NSD2: variants seen among roughly 807,000 people sequenced by gnomAD.
The protein encoded by NSD2 is nuclear receptor binding SET domain protein 2.
Under a neutral mutation model 139.0 loss-of-function variants are expected in NSD2, and 12 were observed. That is an observed-to-expected ratio of 0.09 (90% confidence interval 0.06 to 0.14). The LOEUF (loss-of-function observed/expected upper bound fraction) is 0.14. NSD2 is among the 10% of genes least tolerant of loss of function. The pLI, the probability that NSD2 is intolerant of heterozygous loss-of-function variation, is 1.00. For missense variants in NSD2, 1,155 were observed against 1,745.0 expected (o/e 0.66, Z 6.02); for synonymous variants, 669 against 648.7 (o/e 1.03, Z -0.48).
Position 1,939,710 on chromosome 4 carries a change from A to G in NSD2, c.1813A>G (p.Thr605Ala), listed in dbSNP as rs769950208. 1.9e-6 allele frequency: 3 copies of G among 1,614,256 alleles called. No homozygotes were observed. In the South Asian group the frequency reaches 3.3e-5, roughly 18 times the overall value. The part of the protein sequence containing the change: ...KPLKKRNRAS[T>A]AASSALGFSK... ...ACTGAAGAAGCGAAATCGGGCTTCCACGGCAGCATCTTCAGCTCTTGGGTT... is the reference window on the plus strand; with the variant it reads ...ACTGAAGAAGCGAAATCGGGCTTCCGCGGCAGCATCTTCAGCTCTTGGGTT... Residue 605 changes from threonine to alanine, a missense_variant, in exon 9 of 22, where the codon ACG (threonine) becomes GCG (alanine). By Grantham distance (58) the Thr-to-Ala change is moderately conservative (BLOSUM62 0). This residue lies in a region of NSD2 where 420 missense variants were observed against 469.0 expected (regional missense o/e 0.90). Transcript: ENST00000508803.
At chr4:1,932,952 C>T (rs1007714932) in intron 6 of NSD2, among the ~76,000 whole-genome samples, 11 of 152,332 alleles carry the variant, frequency 7.2e-5, no homozygotes, top group Admixed American at 2.0e-4. Flanking sequence ...GCAGACCTGC[C>T]TGAGGGGGGC....
Position 1,942,100 on chromosome 4 carries a change from T to G in NSD2, c.1881+2322T>G. 1 of 1,239,574 alleles carries G rather than the reference T, an allele frequency of 8.1e-7. No individual in the cohort carries two copies. The highest frequency in any genetic ancestry group is 1.0e-6 in the Non-Finnish European group (1 of 984,928). The allele number at this position is 1,239,574 out of a possible 1,614,324, so 76.8% of individuals were successfully genotyped here. A position where few individuals can be genotyped will look rare whatever the true frequency, so the allele number is the denominator to read the frequency against. On this transcript the variant is annotated intron_variant, in intron 9 of 21. Coordinates refer to ENST00000508803, the MANE Select transcript of NSD2 (RefSeq NM_001042424.3). This position sits in a 1 kb window ranked among gnomAD's most constrained non-coding sequence, Gnocchi z 4.0. The stretch of plus-strand genomic sequence containing the variant: ...TTATAGGGTTGGTATTTCAGAACAC[T>G]TTAGGTCATGTTGTAGTTTAAATTC...
chr4:1,925,401 T>C (rs1720747159), intron 5 of NSD2, among the ~76,000 whole-genome samples: 1 of 137,724 alleles, frequency 7.3e-6, no homozygotes, highest in Non-Finnish European at 1.6e-5. Context: ...TTTTTTTTTT[T>C]TTTTTTTTTT....
chr4:1,874,437 G>A (rs1714102408), intron 1 of NSD2, among the ~76,000 whole-genome samples: 2 of 152,158 alleles, frequency 1.3e-5, no homozygotes, highest in African/African-American at 4.8e-5. Context: ...ACTCTTAGAG[G>A]TAGGACTCTG....
chr4:1,871,916 C>T (rs1713806520), intron 1 of NSD2, among the ~76,000 whole-genome samples: 1 of 147,468 alleles, frequency 6.8e-6, no homozygotes, highest in Non-Finnish European at 1.5e-5. Context: ...CCGGGCCCTG[C>T]GGCTGCACCT....
chr4:1,978,682 C>T lies in NSD2; in HGVS notation c.3871C>T (p.Pro1291Ser), dbSNP rs905300916. Residue 1291 changes from proline (P) to serine (S), a missense_variant, in exon 22 of 22, where the codon CCT (proline) becomes TCT (serine). Pro to Ser is a moderately conservative substitution (Grantham distance 74, BLOSUM62 -1). This residue lies in a region of NSD2 where 25 missense variants were observed against 75.1 expected (regional missense o/e 0.33). Transcript: ENST00000508803. Reference protein sequence around the residue: ...PWHHCDVCGKPSTSFCHLCPN... With the variant: ...PWHHCDVCGKSSTSFCHLCPN... ...GCATCATTGTGACGTGTGTGGCAAACCTTCGACTTCATTTTGCCACCTCTG... is the reference window on the plus strand; with the variant it reads ...GCATCATTGTGACGTGTGTGGCAAATCTTCGACTTCATTTTGCCACCTCTG... 14 of 1,613,932 alleles carry T rather than the reference C, an allele frequency of 8.7e-6. No homozygotes were observed. The highest frequency in any genetic ancestry group is 1.0e-5 in the Non-Finnish European group (12 of 1,179,862).
chr4:1,875,440 C>T (rs544267850), intron 1 of NSD2, among the ~76,000 whole-genome samples: 112 of 152,014 alleles, frequency 7.4e-4, no homozygotes, highest in African/African-American at 2.7e-3. Flanking sequence ...TGCCACCATG[C>T]CTGGCTAATT....
intron 6 of NSD2, among the ~76,000 whole-genome samples, chr4:1,931,499 A>T (rs2108858739): frequency 6.6e-6 from 1 of 152,238 alleles, no homozygotes; most frequent in African/African-American, 2.4e-5. Context: ...AAAATAACTG[A>T]CATATTAGGG....
intron 3 of NSD2, among the ~76,000 whole-genome samples, chr4:1,907,151 A>G (rs1226120547): frequency 6.6e-6 from 1 of 152,154 alleles, no homozygotes; most frequent in East Asian, 1.9e-4. Flanking sequence ...TTCCCTGTAT[A>G]TGAAAATGAG....
At position 1,901,080 on chromosome 4, in the gene NSD2, C is replaced by T. The variant is rs1301057397; in HGVS notation, c.426C>T (p.Ser142=). 2.5e-6 allele frequency: 4 copies of T among 1,614,138 alleles called. No homozygotes were observed. In the South Asian group the frequency reaches 3.3e-5, roughly 13 times the overall value. Residue 142 remains serine, a synonymous_variant, in exon 2 of 22, where the codon TCC becomes TCT. Transcript: ENST00000508803. Reference sequence around the variant, plus strand: ...ATGGGAAGCCTCTCTTTGAATCTTCCATTTGTGGTGACAGTGCTGCTGATG... The same window carrying T: ...ATGGGAAGCCTCTCTTTGAATCTTCTATTTGTGGTGACAGTGCTGCTGATG... ...YMNGKPLFES[S]ICGDSAADVS...
intron 4 of NSD2, 119 bp from the exon 5 acceptor site, chr4:1,918,022 C>A: frequency 8.1e-7 from 1 of 1,233,392 alleles, no homozygotes; most frequent in African/African-American, 1.5e-5. Flanking sequence ...CTCAAGTGAT[C>A]CATCTGCCTT....
At chr4:1,886,992 A>G (rs1258658520) in intron 1 of NSD2, among the ~76,000 whole-genome samples, 4 of 151,714 alleles carry the variant, frequency 2.6e-5, no homozygotes, top group Non-Finnish European at 4.4e-5. Flanking sequence ...AACATTCCCA[A>G]TATTGTGGTG....
chr4:1,959,704 A>G lies in NSD2; in HGVS notation c.3219A>G (p.Lys1073=). 6.2e-7 allele frequency: 1 copy of G among 1,614,048 alleles called. No individual in the cohort carries two copies. Among genetic ancestry groups the G allele is most frequent in the East Asian group, 2.2e-5 (1 of 44,882 alleles). The change falls in exon 17 of 22, where the codon AAA becomes AAG. Residue 1073 remains lysine, a synonymous_variant. Transcript: ENST00000508803. ...PETKIIKTDG[K]GWGLVAKRDI... ...CCAAGATCATCAAGACAGATGGCAA[A>G]GGGTGGGGCCTGGTCGCCAAGAGGG...
intron 9 of NSD2, chr4:1,943,647 C>A: frequency 9.5e-7 from 1 of 1,048,056 alleles, no homozygotes; most frequent in Non-Finnish European, 1.2e-6. Flanking sequence ...GATACATAGC[C>A]CCAAAGATGG....
intron 15 of NSD2, among the ~76,000 whole-genome samples, chr4:1,957,621 CA>C (rs938036484): frequency 6.6e-6 from 1 of 152,144 alleles, no homozygotes; most frequent in African/African-American, 2.4e-5. Flanking sequence ...CTGAGAACAG[CA>C]AGTCCCAGGC....
At chr4:1,913,299 G>A (rs1445477393) in intron 3 of NSD2, among the ~76,000 whole-genome samples, 1 of 152,208 alleles carries the variant, frequency 6.6e-6, no homozygotes, top group Admixed American at 6.5e-5. Flanking sequence ...TGCCTGAGAA[G>A]GCACCCGTTA....
chr4:1,893,463 C>A (rs977993328), intron 1 of NSD2, among the ~76,000 whole-genome samples: 1 of 151,874 alleles, frequency 6.6e-6, no homozygotes, highest in Admixed American at 6.6e-5. Context: ...ACAGAGACTC[C>A]GTTTCAATAA....
chr4:1,922,947 T>A (rs1271326501), intron 5 of NSD2, among the ~76,000 whole-genome samples: 1 of 151,918 alleles, frequency 6.6e-6, no homozygotes, highest in Non-Finnish European at 1.5e-5. Context: ...AATAGCAGTA[T>A]TCACGCAGGG....
Position 1,938,416 on chromosome 4 carries a change from CTTTTTTTTTTTTTT to C in NSD2, c.1675-23_1675-10del, listed in dbSNP as rs746279426. ...TTTTTCTTTTCTTTTTTTTTTCTTT[CTTTTTTTTTTTTTT>C]TTTTTTTTTTTAAATAATAGAGAGA... On this transcript the variant is annotated intron_variant, in intron 7 of 21. Coordinates refer to ENST00000508803, the MANE Select transcript of NSD2 (RefSeq NM_001042424.3). 66 of 325,864 alleles carry C rather than the reference CTTTTTTTTTTTTTT, an allele frequency of 2.0e-4. No homozygotes were observed. The South Asian group carries it at 2.7e-3, about 13-fold the overall frequency. 20.2% of individuals were successfully genotyped at this position (325,864 alleles called of 1,614,324 possible).
Sources: gnomAD v4.1 joint callset for allele counts (sites outside exome capture counted in the v4.1 genomes callset) on GRCh38, gnomAD v4.1.1 for gene constraint, gnomAD v4.1.1 regional missense constraint, Gnocchi (gnomAD v3.1) non-coding constraint, MANE v1.5 for transcripts, NCBI Gene and HGNC (gene_info 2026-07-23, HGNC 2026-07-21) for gene names.